The following OR2L13 variants were observed in gnomAD, a reference collection of about 807,000 sequenced individuals.
OR2L13 encodes the protein olfactory receptor family 2 subfamily L member 13, also known as olfactory receptor 2L13.
In OR2L13, 14 loss-of-function variants were observed where a neutral mutation model predicts 15.3. The observed-to-expected ratio is 0.91, with a 90% CI of 0.60 to 1.43. The LOEUF (loss-of-function observed/expected upper bound fraction) is 1.43. Ranked by LOEUF, OR2L13 falls within the 40% of genes most tolerant of loss-of-function variation. The pLI, the probability that OR2L13 is intolerant of heterozygous loss-of-function variation, is 0.00. For missense variants in OR2L13, 367 were observed against 387.9 expected, an observed-to-expected ratio of 0.95 and a Z score of 0.45; for synonymous variants, 152 against 142.9, an observed-to-expected ratio of 1.06 and a Z score of -0.45.
At chr1:248,059,948 G>C in the OR2L13 span, among the ~76,000 whole-genome samples, 4 of 151,944 alleles carry the variant, frequency 2.6e-5, no homozygotes, top group African/African-American at 7.3e-5. Context: ...GCTGAGGCAG[G>C]TGGATTGCTT....
At chr1:247,971,280 C>T in the OR2L13 span, among the ~76,000 whole-genome samples, 4 of 152,020 alleles carry the variant, frequency 2.6e-5, no homozygotes, top group Admixed American at 2.0e-4. Flanking sequence ...GTAGAGCAGA[C>T]ACTATTAGGG....
chr1:247,989,628 G>T, the OR2L13 span, among the ~76,000 whole-genome samples: 35 of 152,118 alleles, frequency 2.3e-4, no homozygotes, highest in Admixed American at 2.3e-3. Context: ...TTTCTAAATA[G>T]GAAAGATTAC....
chr1:248,096,784 G>T (rs1241175976), upstream of OR2L13, among the ~76,000 whole-genome samples: 1 of 152,078 alleles, frequency 6.6e-6, no homozygotes, highest in Non-Finnish European at 1.5e-5. Context: ...GTGAAATGAG[G>T]TGTTTTTTAA....
At chr1:247,976,644 TAATC>T in the OR2L13 span, among the ~76,000 whole-genome samples, 8 of 152,288 alleles carry the variant, frequency 5.3e-5, no homozygotes, top group South Asian at 6.2e-4. Flanking sequence ...ATGAAATCAA[TAATC>T]AATCAATCTA....
the OR2L13 span, chr1:248,022,558 T>C: frequency 3.7e-6 from 6 of 1,614,070 alleles, no homozygotes; most frequent in Non-Finnish European, 5.1e-6. Flanking sequence ...AGCAGCACCA[T>C]CTTTCTTGTG....
At chr1:248,015,035 TATCTATG>T in the OR2L13 span, among the ~76,000 whole-genome samples, 11 of 152,172 alleles carry the variant, frequency 7.2e-5, no homozygotes, top group Non-Finnish European at 1.3e-4. Flanking sequence ...CCTATGTATC[TATCTATG>T]AGAGCTGATG....
chr1:247,949,537 T>A, the OR2L13 span: 1 of 1,614,062 alleles, frequency 6.2e-7, no homozygotes, highest in Non-Finnish European at 8.5e-7. Context: ...GTCTACCACA[T>A]GAAATCTGCA....
At chr1:247,948,341 A>G in the OR2L13 span, among the ~76,000 whole-genome samples, 897 of 152,344 alleles carry the variant, frequency 5.9e-3, 12 homozygotes, top group African/African-American at 0.02. Flanking sequence ...GGTATTCAGT[A>G]TAATATTTGA....
the OR2L13 span, among the ~76,000 whole-genome samples, chr1:248,037,901 A>T: frequency 3.0e-4 from 45 of 152,336 alleles, no homozygotes; most frequent in African/African-American, 8.9e-4. Flanking sequence ...TTATGTCATC[A>T]TGTAGACATT....
the OR2L13 span, among the ~76,000 whole-genome samples, chr1:248,070,500 C>A: frequency 6.6e-6 from 1 of 152,140 alleles, no homozygotes; most frequent in African/African-American, 2.4e-5. Flanking sequence ...ATTAATAGCA[C>A]TAAATGCCCA....
the OR2L13 span, chr1:248,061,749 G>A: frequency 1.2e-6 from 1 of 831,012 alleles, no homozygotes; most frequent in South Asian, 2.3e-5. Flanking sequence ...AAAAATCACT[G>A]ATTTCTGGAC....
At chr1:248,072,306 T>C in the OR2L13 span, among the ~76,000 whole-genome samples, 9 of 151,746 alleles carry the variant, frequency 5.9e-5, no homozygotes, top group South Asian at 1.5e-3. Context: ...CAGAACAGAG[T>C]CCTCAGAAAT....
chr1:248,083,396 T>C, the OR2L13 span: 17 of 441,392 alleles, frequency 3.9e-5, no homozygotes, highest in Non-Finnish European at 6.9e-5. Flanking sequence ...ACAGTACTTA[T>C]ATCATGGGGT....
chr1:248,032,770 G>A, the OR2L13 span, among the ~76,000 whole-genome samples: 14 of 152,172 alleles, frequency 9.2e-5, no homozygotes, highest in African/African-American at 3.4e-4. Context: ...CACTTAAGTT[G>A]TCTCTGCCTT....
At chr1:248,019,043 T>C in the OR2L13 span, among the ~76,000 whole-genome samples, 7 of 152,198 alleles carry the variant, frequency 4.6e-5, 2 homozygotes, top group Non-Finnish European at 1.0e-4. Flanking sequence ...GATTTCTCTG[T>C]GGACGGACAC....
chr1:248,074,330 T>C, the OR2L13 span, among the ~76,000 whole-genome samples: 4 of 151,496 alleles, frequency 2.6e-5, no homozygotes, highest in African/African-American at 9.7e-5. Flanking sequence ...ATGCTAGTGA[T>C]GATGGAGAGT....
the OR2L13 span, among the ~76,000 whole-genome samples, chr1:248,021,060 T>G: frequency 6.6e-6 from 1 of 152,082 alleles, no homozygotes; most frequent in African/African-American, 2.4e-5. Flanking sequence ...AATGCTAATT[T>G]ATTCCTAATA....
rs545477158 is a variant in OR2L13, at chr1:248,098,483, T to C, written c.-143-168T>C. Reference sequence around the variant, plus strand: ...TGTCATGTTCCCAACTTTTCATTGTTAGTGTTTATTCCTTAGACAGCTATA... The same window carrying C: ...TGTCATGTTCCCAACTTTTCATTGTCAGTGTTTATTCCTTAGACAGCTATA... On this transcript the variant is annotated intron_variant, in intron 1 of 2. Coordinates refer to ENST00000641714, the Ensembl canonical transcript of OR2L13. Among the ~76,000 whole-genome samples, 59 of 152,324 alleles carry C rather than the reference T, an allele frequency of 3.9e-4. 2 individuals are homozygous for C. The South Asian group carries it at 0.012, about 30-fold the overall frequency.
At chr1:247,993,694 C>T in the OR2L13 span, among the ~76,000 whole-genome samples, 5 of 148,898 alleles carry the variant, frequency 3.4e-5, no homozygotes, top group Admixed American at 6.7e-5. Flanking sequence ...CTTGATTCCT[C>T]AGCTAAGCCA....
Sources: gnomAD v4.1 joint callset for allele counts (sites outside exome capture counted in the v4.1 genomes callset) on GRCh38, gnomAD v4.1.1 for gene constraint, MANE v1.5 for transcripts, NCBI Gene and HGNC (gene_info 2026-07-23, HGNC 2026-07-21) for gene names.